The following FAAH2 variants were observed in gnomAD, a reference collection of about 807,000 sequenced individuals.
The protein encoded by FAAH2 is fatty acid amide hydrolase 2.
A neutral mutation model predicts 36.9 loss-of-function variants in FAAH2; 60 were observed. That is an observed-to-expected ratio of 1.63 (90% CI 1.32 to 2.02). The LOEUF (loss-of-function observed/expected upper bound fraction) is 2.02. FAAH2 is among the 30% of genes most tolerant of loss of function. FAAH2 has a pLI of 0.00. For synonymous variants in FAAH2, 214 were observed against 143.8 expected, an observed-to-expected ratio of 1.49 and a Z score of -3.49; for missense variants, 689 against 397.5, an observed-to-expected ratio of 1.73 and a Z score of -6.23.
upstream of FAAH2, among the ~76,000 whole-genome samples, chrX:57,282,820 T>C (rs1428224716): frequency 8.9e-6 from 1 of 112,127 alleles, no homozygotes; most frequent in Non-Finnish European, 1.9e-5. Flanking sequence ...TTTCTGTTAC[T>C]GTTCTGAAAG....
At chrX:57,202,529 G>T in the FAAH2 span, among the ~76,000 whole-genome samples, 1 of 112,017 alleles carries the variant, frequency 8.9e-6, no homozygotes, top group African/African-American at 3.2e-5. Flanking sequence ...AACTTGGGGT[G>T]TAGTGACACA....
At chrX:57,366,644 G>T (rs2054425002) in intron 5 of FAAH2, among the ~76,000 whole-genome samples, 1 of 112,373 alleles carries the variant, frequency 8.9e-6, no homozygotes, top group Non-Finnish European at 1.9e-5. Context: ...CACAAGGGAA[G>T]GCTGTGGGTG....
intron 7 of FAAH2, among the ~76,000 whole-genome samples, chrX:57,389,680 T>G (rs1262522916): frequency 9.0e-6 from 1 of 110,755 alleles, no homozygotes; most frequent in Non-Finnish European, 1.9e-5. Context: ...GCAGAGAACA[T>G]GGGATTGCAG....
At chrX:57,406,979 C>A (rs1002134230) in intron 7 of FAAH2, among the ~76,000 whole-genome samples, 3 of 112,629 alleles carry the variant, frequency 2.7e-5, no homozygotes, top group African/African-American at 9.7e-5. Context: ...TTGCCAGTCA[C>A]TAGTGCTGCC....
At chrX:57,462,134 T>A in intron 10 of FAAH2, among the ~76,000 whole-genome samples, 1 of 79,473 alleles carries the variant, frequency 1.3e-5, no homozygotes, top group African/African-American at 4.6e-5. Context: ...CAATAACAAG[T>A]TCTGAAATTA....
intron 10 of FAAH2, among the ~76,000 whole-genome samples, chrX:57,473,421 G>A (rs537108197): frequency 2.8e-4 from 31 of 111,480 alleles, no homozygotes; most frequent in South Asian, 7.4e-4. Context: ...TTTTGAATGC[G>A]TTGAGACTTG....
chrX:57,473,123 TTTG>T (rs1470454035), intron 10 of FAAH2, among the ~76,000 whole-genome samples: 4 of 111,353 alleles, frequency 3.6e-5, no homozygotes, highest in Non-Finnish European at 7.6e-5. Context: ...TGTGAATTAG[TTTG>T]TTAATTTTAG....
intron 7 of FAAH2, among the ~76,000 whole-genome samples, chrX:57,419,038 G>A (rs1432937423): frequency 1.9e-5 from 2 of 104,026 alleles, no homozygotes; most frequent in African/African-American, 3.5e-5. Context: ...CCCTACAAAG[G>A]ACATGAACTC....
rs370734030 is a variant in FAAH2, at chrX:57,454,392, C to T, written c.1423+5674C>T. Among the ~76,000 whole-genome samples the T allele has an allele frequency of 2.7e-5, 3 of 111,785 alleles. No homozygotes were observed. In the East Asian group the frequency reaches 8.5e-4, roughly 32 times the overall value. ...GAGAAAGAATGAATCCAAGAACTGG[C>T]AACTCAAAAAGCCAGTGTTTGCCCT... On this transcript the variant is annotated intron_variant, in intron 10 of 10. Transcript: ENST00000374900.
intron 2 of FAAH2, among the ~76,000 whole-genome samples, chrX:57,300,709 C>T (rs1190629237): frequency 8.9e-6 from 1 of 111,787 alleles, no homozygotes; most frequent in South Asian, 3.7e-4. Context: ...GCAACCTACT[C>T]ATCTGACAAA....
chrX:57,485,157 T>G (rs939461163), intron 10 of FAAH2, among the ~76,000 whole-genome samples: 3 of 111,906 alleles, frequency 2.7e-5, no homozygotes, highest in African/African-American at 6.5e-5. Flanking sequence ...GAGGCACGTG[T>G]TACACCCACA....
chrX:57,353,019 A>G (rs1037201740), intron 5 of FAAH2, among the ~76,000 whole-genome samples: 1 of 110,998 alleles, frequency 9.0e-6, no homozygotes, highest in Non-Finnish European at 1.9e-5. Context: ...CATTAAAATG[A>G]CCATATTACA....
chrX:57,349,412 T>TAC (rs1454345747), intron 5 of FAAH2, among the ~76,000 whole-genome samples: 2 of 98,776 alleles, frequency 2.0e-5, no homozygotes, highest in East Asian at 3.1e-4. Flanking sequence ...TGTGTGTATA[T>TAC]ACACATATAT....
upstream of FAAH2, chrX:57,286,674 G>A: frequency 2.0e-6 from 1 of 510,740 alleles, no homozygotes; most frequent in Non-Finnish European, 2.9e-6. Context: ...CCCTGCAGGT[G>A]ATGATAAACA....
intron 3 of FAAH2, among the ~76,000 whole-genome samples, chrX:57,329,592 T>A (rs1044526613): frequency 1.8e-5 from 2 of 108,170 alleles, no homozygotes; most frequent in African/African-American, 6.8e-5. Flanking sequence ...GTGCACACAA[T>A]TATGTGTGCT....
chrX:57,225,362 G>A, the FAAH2 span, among the ~76,000 whole-genome samples: 6 of 111,657 alleles, frequency 5.4e-5, no homozygotes, highest in Non-Finnish European at 7.5e-5. Context: ...TCATTTTGAA[G>A]AATTTTAAAA....
chrX:57,367,360 T>C (rs984858570), intron 5 of FAAH2, among the ~76,000 whole-genome samples: 1 of 112,224 alleles, frequency 8.9e-6, no homozygotes, highest in Non-Finnish European at 1.9e-5. Flanking sequence ...GGCTGCACCT[T>C]AGCATGAACA....
chrX:57,124,698 T>A, the FAAH2 span, among the ~76,000 whole-genome samples: 1 of 111,738 alleles, frequency 8.9e-6, no homozygotes, highest in Admixed American at 9.5e-5. Flanking sequence ...GGTTTGTAGT[T>A]CTCCTTGAAG....
intron 10 of FAAH2, among the ~76,000 whole-genome samples, chrX:57,483,638 C>T (rs964004195): frequency 3.6e-5 from 4 of 110,274 alleles, no homozygotes; most frequent in Non-Finnish European, 7.6e-5. Flanking sequence ...GAGGTATTGT[C>T]ACTTACTTTT....
Sources: allele counts gnomAD v4.1 joint callset (sites outside exome capture counted in the v4.1 genomes callset), GRCh38; gene constraint gnomAD v4.1.1; transcripts MANE v1.5; gene names NCBI Gene and HGNC (gene_info 2026-07-23, HGNC 2026-07-21).